ONECUT1: variants seen among roughly 807,000 people sequenced by gnomAD.
ONECUT1 encodes the protein hepatocyte nuclear factor 6.
Under a neutral mutation model 25.6 loss-of-function variants are expected in ONECUT1, and 12 were observed. The ratio of observed to expected loss-of-function variants is 0.47; its 90% confidence interval spans 0.30 to 0.76. The LOEUF is 0.76. Among genes scored for constraint, ONECUT1 ranks in the 30% least tolerant of loss-of-function variants. The probability of loss-of-function intolerance (pLI) is 0.07; values close to 1 mark genes in which losing one functional copy is unlikely to be tolerated. For missense variants in ONECUT1, 620 were observed against 651.2 expected, an observed-to-expected ratio of 0.95 and a Z score of 0.52; for synonymous variants, 285 against 270.2, an observed-to-expected ratio of 1.05 and a Z score of -0.54.
intron 1 of ONECUT1, among the ~76,000 whole-genome samples, chr15:52,769,205 C>G (rs1353754215): frequency 6.6e-6 from 1 of 152,186 alleles, no homozygotes; most frequent in Non-Finnish European, 1.5e-5. Flanking sequence ...GTCTTTTGTG[C>G]CCACAGAGCA....
intron 1 of ONECUT1, among the ~76,000 whole-genome samples, chr15:52,767,610 G>C (rs2083742267): frequency 6.6e-6 from 1 of 152,210 alleles, no homozygotes; most frequent in South Asian, 2.1e-4. Context: ...AAAGGAACTG[G>C]TGGGAAGAGA....
At chr15:52,757,941 ATGGCCT>A in intron 1 of ONECUT1, 94 bp from the exon 2 acceptor site, 1 of 1,354,180 alleles carries the variant, frequency 7.4e-7, no homozygotes, top group Non-Finnish European at 1.0e-6. Context: ...GCCATTCCTC[ATGGCCT>A]GCTTTCTGTT....
intron 1 of ONECUT1, among the ~76,000 whole-genome samples, chr15:52,774,758 C>G: frequency 6.6e-6 from 1 of 152,084 alleles, no homozygotes; most frequent in Non-Finnish European, 1.5e-5. Flanking sequence ...ATAAGCGGTA[C>G]AATAATTAAC....
intron 1 of ONECUT1, among the ~76,000 whole-genome samples, chr15:52,779,426 T>C (rs188335225): frequency 6.6e-6 from 1 of 152,312 alleles, no homozygotes; most frequent in Non-Finnish European, 1.5e-5. Context: ...TTAACTTAAG[T>C]GGCATGAATT....
intron 1 of ONECUT1, among the ~76,000 whole-genome samples, chr15:52,777,271 T>C (rs188807161): frequency 1.2e-3 from 177 of 152,326 alleles, no homozygotes; most frequent in African/African-American, 4.1e-3. Context: ...CATCTACCCT[T>C]AAATTCTCAA....
chr15:52,788,931 C>T lies in ONECUT1; in HGVS notation c.954G>A (p.Arg318=), dbSNP rs2141467068. 1 of 1,614,038 alleles carries T rather than the reference C, an allele frequency of 6.2e-7. No homozygotes were observed. The highest frequency in any genetic ancestry group is 8.5e-7 in the Non-Finnish European group (1 of 1,180,034). The change falls in exon 1 of 2, where the codon AGG becomes AGA. Residue 318 remains arginine (R), a synonymous_variant. Transcript: ENST00000305901. The surrounding 1 kb of genome is among the most constrained non-coding windows in gnomAD (Gnocchi z 4.3). ...YSIPQAIFAQ[R]VLCRSQGTLS... is the part of the protein sequence containing the mutation. ...GGGTCCCCTGGGAGCGGCAGAGCAC[C>T]CTCTGCGCGAAGATGGCCTGTGGGA...
rs145126299 is a variant in ONECUT1 at position 52,763,751 on chromosome 15, T to C, written c.1106-5904A>G. Among the ~76,000 whole-genome samples the C allele has an allele frequency of 2.7e-3, 412 of 152,294 alleles. 1 individual carries two copies. The highest frequency in any genetic ancestry group is 9.5e-3 in the African/African-American group (395 of 41,554). On this transcript the variant is annotated intron_variant, in intron 1 of 1. Transcript: ENST00000305901. ...CTTAGAACAGTTTCTCAGAGTGTGG[T>C]TGGCAGACCTGTGCTGGTCTGTGAA...
intron 1 of ONECUT1, among the ~76,000 whole-genome samples, chr15:52,776,030 G>C (rs1293474922): frequency 6.6e-6 from 1 of 152,208 alleles, no homozygotes; most frequent in Non-Finnish European, 1.5e-5. Context: ...CCAGGGAAGT[G>C]GCTGGATGGA....
chr15:52,767,503 C>T (rs962763381), intron 1 of ONECUT1, among the ~76,000 whole-genome samples: 3 of 152,162 alleles, frequency 2.0e-5, no homozygotes, highest in Admixed American at 1.3e-4. Context: ...CACACACTTT[C>T]CTGAGCACAG....
rs1381234305 is a variant in ONECUT1, at chr15:52,789,364, C to T, written c.521G>A (p.Gly174Asp). 3.1e-6 allele frequency: 5 copies of T among 1,607,176 alleles called. No homozygotes were observed. In the Admixed American group the frequency reaches 5.0e-5, roughly 16 times the overall value. ...LYTPYHKDVA[G>D]MGQSLSPLSS... ...GAGGGGCGAGAGGCTCTGGCCCATG[C>T]CGGCCACGTCCTTGTGGTAGGGGGT... Residue 174 changes from glycine to aspartate, a missense_variant, in exon 1 of 2, where the codon GGC becomes GAC. Gly to Asp is a moderately conservative substitution (Grantham distance 94, BLOSUM62 -1). Transcript: ENST00000305901. This position sits in a 1 kb window ranked among gnomAD's most constrained non-coding sequence, Gnocchi z 4.1.
Position 52,790,013 on chromosome 15 carries a change from C to T in ONECUT1, c.-129G>A, listed in dbSNP as rs2083910014. On this transcript the variant is annotated 5_prime_UTR_variant, in exon 1 of 2. Coordinates refer to ENST00000305901, the MANE Select transcript of ONECUT1 (RefSeq NM_004498.4). ...TGCCTTCCTTCCTCTCACTGTGGGGCTCTGTCTCTCTCTCTCTCTCTCTCC... is the reference window on the plus strand; with the variant it reads ...TGCCTTCCTTCCTCTCACTGTGGGGTTCTGTCTCTCTCTCTCTCTCTCTCC... 4 of 1,330,040 alleles carry T rather than the reference C, an allele frequency of 3.0e-6. No individual in the cohort carries two copies. The highest frequency in any genetic ancestry group is 3.9e-6 in the Non-Finnish European group (4 of 1,033,156). 82.4% of individuals were successfully genotyped at this position (1,330,040 alleles called of 1,614,324 possible).
intron 1 of ONECUT1, among the ~76,000 whole-genome samples, chr15:52,782,398 G>A (rs2083847085): frequency 6.6e-6 from 1 of 152,124 alleles, no homozygotes; most frequent in South Asian, 2.1e-4. Flanking sequence ...TAACATACTT[G>A]TATTAAAATA....
At chr15:52,769,177 C>T (rs1462972381) in intron 1 of ONECUT1, among the ~76,000 whole-genome samples, 1 of 152,204 alleles carries the variant, frequency 6.6e-6, no homozygotes, top group Non-Finnish European at 1.5e-5. Context: ...TCCCCTCTCC[C>T]ATCCAGGGAG....
At chr15:52,767,857 C>T (rs1347726841) in intron 1 of ONECUT1, among the ~76,000 whole-genome samples, 1 of 152,062 alleles carries the variant, frequency 6.6e-6, no homozygotes, top group Non-Finnish European at 1.5e-5. Flanking sequence ...ATTATTCAGC[C>T]ATAAAAAGAA....
At chr15:52,766,251 G>T (rs879859438) in intron 1 of ONECUT1, among the ~76,000 whole-genome samples, 2,529 of 107,024 alleles carry the variant, frequency 0.024, 28 homozygotes, top group Non-Finnish European at 0.029. Flanking sequence ...TTTTTTTTTT[G>T]TAGGTGAAAC....
chr15:52,775,933 C>G (rs1009475822), intron 1 of ONECUT1, among the ~76,000 whole-genome samples: 2 of 152,144 alleles, frequency 1.3e-5, no homozygotes, highest in Admixed American at 1.3e-4. Flanking sequence ...CTTGAGCTAC[C>G]ATTACTGGGG....
At chr15:52,767,694 C>T (rs554768690) in intron 1 of ONECUT1, among the ~76,000 whole-genome samples, 4 of 152,230 alleles carry the variant, frequency 2.6e-5, no homozygotes, top group Admixed American at 2.6e-4. Flanking sequence ...AAGTTTGGCT[C>T]AAGAATTTTG....
At chr15:52,759,675 T>C (rs554506649) in intron 1 of ONECUT1, among the ~76,000 whole-genome samples, 2 of 152,352 alleles carry the variant, frequency 1.3e-5, no homozygotes, top group East Asian at 3.9e-4. Flanking sequence ...CTTGGCACAC[T>C]GCAACCTCTG....
chr15:52,777,727 C>CAAAAAAAAAAAAAAAAA (rs1566992332), intron 1 of ONECUT1, among the ~76,000 whole-genome samples: 1 of 93,820 alleles, frequency 1.1e-5, no homozygotes, highest in African/African-American at 8.3e-5. Context: ...CACACACACA[C>CAAAAAAAAAAAAAAAAA]ACACACACAC....
Sources: gnomAD v4.1 joint callset for allele counts (sites outside exome capture counted in the v4.1 genomes callset) on GRCh38, gnomAD v4.1.1 for gene constraint, Gnocchi (gnomAD v3.1) non-coding constraint, MANE v1.5 for transcripts, NCBI Gene and HGNC (gene_info 2026-07-23, HGNC 2026-07-21) for gene names.